ZNF44: variants seen among roughly 807,000 people sequenced by gnomAD.
The protein encoded by ZNF44 is zinc finger protein 44.
ZNF44 carries 9 observed loss-of-function variants against 11.7 expected under a neutral mutation model. The observed-to-expected ratio is 0.77, with a 90% CI of 0.46 to 1.35. The LOEUF (loss-of-function observed/expected upper bound fraction) is 1.35, where lower values mean the gene tolerates loss of function less well. Among genes scored for constraint, ZNF44 ranks in the 40% most tolerant of loss-of-function variants. The pLI, the probability that ZNF44 is intolerant of heterozygous loss-of-function variation, is 0.00. For synonymous variants in ZNF44, 224 were observed against 242.7 expected (o/e 0.92, Z 0.72); for missense variants, 696 against 743.1 (o/e 0.94, Z 0.74).
intron 1 of ZNF44, among the ~76,000 whole-genome samples, chr19:12,276,940 C>T (rs945955743): frequency 2.6e-5 from 4 of 151,850 alleles, no homozygotes; most frequent in African/African-American, 9.7e-5. Flanking sequence ...GAGTCCCCAT[C>T]AGCAAGAAGA....
chr19:12,233,160 G>T (rs921939078), intron 2 of ZNF44, among the ~76,000 whole-genome samples: 1 of 152,046 alleles, frequency 6.6e-6, no homozygotes, highest in Admixed American at 6.6e-5. Context: ...CTCTGGCTGG[G>T]AAGATGCCAG....
At chr19:12,291,521 A>C (rs1190569796) in intron 1 of ZNF44, among the ~76,000 whole-genome samples, 2 of 152,020 alleles carry the variant, frequency 1.3e-5, no homozygotes, top group Admixed American at 6.6e-5. Context: ...GACACGGTGA[A>C]ACCCCATCTC....
intron 5 of ZNF44, among the ~76,000 whole-genome samples, chr19:12,252,794 G>C (rs1344704585): frequency 6.7e-6 from 1 of 149,096 alleles, no homozygotes; most frequent in Non-Finnish European, 1.5e-5. Context: ...GTAAGGTAAA[G>C]AGTCAAACAC....
intron 1 of ZNF44, among the ~76,000 whole-genome samples, chr19:12,288,783 T>A (rs1456757432): frequency 4.0e-5 from 5 of 126,076 alleles, no homozygotes; most frequent in Admixed American, 1.5e-4. Context: ...TGTATATATA[T>A]ATATATATAT....
chr19:12,276,174 G>A, intron 1 of ZNF44, 92 bp from the exon 2 acceptor site: 1 of 1,529,240 alleles, frequency 6.5e-7, no homozygotes. Context: ...TGATGCTGTG[G>A]TTTCCAAGCA....
intron 2 of ZNF44, among the ~76,000 whole-genome samples, chr19:12,231,239 C>T (rs924739763): frequency 6.6e-6 from 1 of 152,032 alleles, no homozygotes; most frequent in African/African-American, 2.4e-5. Flanking sequence ...AAAGTGGGGA[C>T]ATGGTTTGTG....
intron 5 of ZNF44, among the ~76,000 whole-genome samples, chr19:12,254,798 T>C (rs1033773266): frequency 6.6e-6 from 1 of 151,324 alleles, no homozygotes; most frequent in Non-Finnish European, 1.5e-5. Context: ...TATTAAACTT[T>C]GTAGGGGCTA....
intron 5 of ZNF44, among the ~76,000 whole-genome samples, chr19:12,255,322 A>T (rs1247007669): frequency 2.0e-5 from 3 of 150,072 alleles, no homozygotes; most frequent in Non-Finnish European, 3.0e-5. Context: ...TGCAAGAAAT[A>T]AAAAAAAAAT....
intron 5 of ZNF44, among the ~76,000 whole-genome samples, chr19:12,252,845 T>C (rs1182383684): frequency 6.7e-6 from 1 of 149,130 alleles, no homozygotes; most frequent in Non-Finnish European, 1.5e-5. Context: ...AATCTACAAG[T>C]AAACTACCTA....
chr19:12,292,553 A>C (rs867233529), intron 1 of ZNF44, among the ~76,000 whole-genome samples: 3 of 152,094 alleles, frequency 2.0e-5, no homozygotes, highest in African/African-American at 7.2e-5. Context: ...CTCAACCGTC[A>C]GGTCAGGTCG....
intron 5 of ZNF44, chr19:12,260,041 T>C (rs1042420327): frequency 6.1e-6 from 3 of 487,816 alleles, no homozygotes; most frequent in African/African-American, 5.8e-5. Flanking sequence ...TCCCACTCTT[T>C]ACATTTGGGG....
At chr19:12,285,405 G>A (rs1533389) in intron 1 of ZNF44, among the ~76,000 whole-genome samples, 27,416 of 151,822 alleles carry the variant, frequency 0.18, 2,551 homozygotes, top group East Asian at 0.28. Flanking sequence ...ACAGGCGCCC[G>A]CCACCACGTC....
chr19:12,285,461 C>G (rs551117173), intron 1 of ZNF44, among the ~76,000 whole-genome samples: 1 of 152,254 alleles, frequency 6.6e-6, no homozygotes, highest in South Asian at 2.1e-4. Context: ...ACCATGTTGG[C>G]CAGGCTAATC....
downstream of ZNF44, chr19:12,242,880 T>G (rs1025792338): frequency 4.0e-5 from 6 of 151,824 alleles, no homozygotes; most frequent in Non-Finnish European, 7.4e-5. Flanking sequence ...AAGACACAAT[T>G]TGAGCTACTA....
chr19:12,266,100 G>A (rs966610190), intron 5 of ZNF44, among the ~76,000 whole-genome samples: 8 of 152,104 alleles, frequency 5.3e-5, no homozygotes, highest in African/African-American at 1.7e-4. Context: ...CCGGGGTCCC[G>A]ACTGCCGGCC....
chr19:12,234,894 C>T (rs1460774611), exon 2 of ZNF44: 1 of 152,192 alleles, frequency 6.6e-6, no homozygotes, highest in South Asian at 2.1e-4. Flanking sequence ...GTCATTGTCT[C>T]GGAGCCATGG....
At chr19:12,228,958 A>G (rs1266823034) in intron 3 of ZNF44, among the ~76,000 whole-genome samples, 1 of 152,242 alleles carries the variant, frequency 6.6e-6, no homozygotes, top group Non-Finnish European at 1.5e-5. Flanking sequence ...TGATTAATAA[A>G]TGCAAACAAA....
chr19:12,275,134 G>T, intron 2 of ZNF44, 101 bp from the exon 3 acceptor site: 2 of 834,048 alleles, frequency 2.4e-6, no homozygotes, highest in South Asian at 2.3e-5. Context: ...TTCATTCATT[G>T]AACTATAGTT....
rs530096176 is a variant in ZNF44, at chr19:12,276,390, A to C, written c.4-308T>G. Reference sequence around the variant, plus strand: ...GTGGGTCTGTAGTCCTTGTCATGACAAAGTCCTACCACCTACTGTGCAAAA... The same window carrying C: ...GTGGGTCTGTAGTCCTTGTCATGACCAAGTCCTACCACCTACTGTGCAAAA... On this transcript the variant is annotated intron_variant, in intron 1 of 3. Coordinates refer to ENST00000355684, the MANE Select transcript of ZNF44 (RefSeq NM_016264.4). Among the ~76,000 whole-genome samples, 15 of 152,336 alleles carry C rather than the reference A, an allele frequency of 9.8e-5. No homozygotes were observed. The South Asian group carries it at 3.1e-3, about 32-fold the overall frequency.
Sources: gnomAD v4.1 joint callset for allele counts (sites outside exome capture counted in the v4.1 genomes callset) on GRCh38, gnomAD v4.1.1 for gene constraint, MANE v1.5 for transcripts, NCBI Gene and HGNC (gene_info 2026-07-23, HGNC 2026-07-21) for gene names.